The following GRAMD1A variants were observed in gnomAD, a reference collection of about 807,000 sequenced individuals.
GRAMD1A encodes the protein GRAM domain containing 1A, also known as protein Aster-A.
In GRAMD1A, 50 loss-of-function variants were observed where a neutral mutation model predicts 92.0. The ratio of observed to expected loss-of-function variants is 0.54; its 90% CI spans 0.43 to 0.69. GRAMD1A has a LOEUF of 0.69. Among genes scored for constraint, GRAMD1A ranks in the 30% least tolerant of loss-of-function variants. The pLI, the probability that GRAMD1A is intolerant of heterozygous loss-of-function variation, is 0.00. For synonymous variants in GRAMD1A, 405 were observed against 403.6 expected (o/e 1.00, Z -0.04); for missense variants, 819 against 978.9 (o/e 0.84, Z 2.18).
upstream of GRAMD1A, among the ~76,000 whole-genome samples, chr19:34,995,583 T>C (rs1032989009): frequency 1.4e-5 from 2 of 143,548 alleles, no homozygotes; most frequent in Non-Finnish European, 3.0e-5. Flanking sequence ...TTTTTTTTTT[T>C]TTTTTTTTTT....
chr19:35,000,460 C>G lies in GRAMD1A; in HGVS notation c.-19C>G. 8.1e-7 allele frequency: 1 copy of G among 1,229,326 alleles called. No homozygotes were observed. The highest frequency in any genetic ancestry group is 2.9e-5 in the South Asian group (1 of 35,042). 76.2% of individuals were successfully genotyped at this position (1,229,326 alleles called of 1,614,324 possible). A position where few individuals can be genotyped will look rare whatever the true frequency, so the allele number is the denominator to read the frequency against. ...CCTGCCCTGCCCTGCGCCCGGGGCG[C>G]GCCCACCGCGCCGCATCCATGTTCG... On this transcript the variant is annotated 5_prime_UTR_variant, in exon 1 of 20. Coordinates refer to ENST00000317991, the MANE Select transcript of GRAMD1A (RefSeq NM_020895.5). The surrounding 1 kb of genome is among the most constrained non-coding windows in gnomAD (Gnocchi z 4.9).
intron 11 of GRAMD1A, among the ~76,000 whole-genome samples, chr19:35,018,902 G>C (rs560821165): frequency 1.3e-3 from 158 of 119,830 alleles, no homozygotes; most frequent in African/African-American, 4.5e-3. Flanking sequence ...CGGTGGGTTC[G>C]AGGGGTCCAG....
chr19:35,014,441 G>A, intron 10 of GRAMD1A, 54 bp downstream of exon 10: 1 of 1,505,690 alleles, frequency 6.6e-7, no homozygotes, highest in South Asian at 1.1e-5. Flanking sequence ...GCCTCGCTCA[G>A]TCTTAAGCAA....
chr19:35,014,763 C>T (rs2015504930), intron 10 of GRAMD1A: 1 of 239,604 alleles, frequency 4.2e-6, no homozygotes, highest in South Asian at 5.6e-5. Flanking sequence ...TGATGGCTCA[C>T]ACCTGTAATC....
chr19:35,008,791 G>A (rs1343536837), intron 1 of GRAMD1A, among the ~76,000 whole-genome samples: 3 of 152,142 alleles, frequency 2.0e-5, no homozygotes, highest in Admixed American at 1.3e-4. Context: ...ACTCCAGCCT[G>A]GGCAACAGAG....
upstream of GRAMD1A, among the ~76,000 whole-genome samples, chr19:34,999,226 G>T (rs996860360): frequency 6.6e-6 from 1 of 152,110 alleles, no homozygotes; most frequent in African/African-American, 2.4e-5. Context: ...AGTTTGTGAC[G>T]GATTGGATGT....
upstream of GRAMD1A, chr19:34,998,140 G>C (rs2014117562): frequency 6.6e-6 from 1 of 151,776 alleles, no homozygotes; most frequent in South Asian, 2.1e-4. Context: ...GGCTCCTTGG[G>C]GGGCACGGGA....
At chr19:34,995,152 G>A (rs1165862509) in intron 1 of GRAMD1A, among the ~76,000 whole-genome samples, 6 of 152,238 alleles carry the variant, frequency 3.9e-5, no homozygotes, top group African/African-American at 4.8e-5. Context: ...GGGGAATCCC[G>A]ATTCGGCCTC....
chr19:35,020,003 A>G (rs1238679545), intron 13 of GRAMD1A, among the ~76,000 whole-genome samples: 1 of 151,290 alleles, frequency 6.6e-6, no homozygotes, highest in Non-Finnish European at 1.5e-5. Context: ...GCTGAGAGCA[A>G]CTCATTTGGG....
chr19:35,023,323 C>G lies in GRAMD1A; in HGVS notation c.1941C>G (p.His647Gln), dbSNP rs200311339. The G allele has an allele frequency of 2.5e-6, 4 of 1,614,040 alleles. No homozygotes were observed. The highest frequency in any genetic ancestry group is 4.5e-5 in the East Asian group (2 of 44,864). ...CAGCCCACACCTTTGAGTCCTGGCACAGCCTGGCCCTGGCCAAGGGGTGAG... is the reference window on the plus strand; with the variant it reads ...CAGCCCACACCTTTGAGTCCTGGCAGAGCCTGGCCCTGGCCAAGGGGTGAG... Reference protein sequence around the residue: ...ERTAHTFESWHSLALAKGKFP... With the variant: ...ERTAHTFESWQSLALAKGKFP... Residue 647 changes from histidine to glutamine, a missense_variant, in exon 18 of 20, where the codon CAC becomes CAG. Physicochemically the swap from His to Gln is conservative, Grantham distance 24. Transcript: ENST00000317991.
intron 3 of GRAMD1A, 117 bp downstream of exon 3, chr19:35,009,560 G>A (rs1294067192): frequency 4.8e-6 from 5 of 1,040,180 alleles, no homozygotes; most frequent in Non-Finnish European, 7.5e-6. Context: ...GCAGACCTAG[G>A]GTCACGTTCT....
intron 1 of GRAMD1A, among the ~76,000 whole-genome samples, chr19:35,006,792 GACAGTAAACAA>G (rs1222105873): frequency 2.0e-5 from 3 of 152,240 alleles, no homozygotes; most frequent in Non-Finnish European, 4.4e-5. Flanking sequence ...AGTCTGGGTA[GACAGTAAACAA>G]ACAGTAAACA....
chr19:35,010,603 C>T, intron 6 of GRAMD1A: 1 of 599,122 alleles, frequency 1.7e-6, no homozygotes, highest in Non-Finnish European at 3.0e-6. Context: ...TCAGGAACAG[C>T]AGAAATAGTA....
Position 35,021,662 on chromosome 19 carries a change from A to G in GRAMD1A, c.1580-29A>G, listed in dbSNP as rs377054753. 7 of 1,613,792 alleles carry G rather than the reference A, an allele frequency of 4.3e-6. No homozygotes were observed. Among genetic ancestry groups the G allele is most frequent in the Non-Finnish European group, 5.9e-6 (7 of 1,179,828 alleles). On this transcript the variant is annotated intron_variant, in intron 14 of 19. Coordinates refer to ENST00000317991, the MANE Select transcript of GRAMD1A (RefSeq NM_020895.5). The surrounding 1 kb of genome is among the most constrained non-coding windows in gnomAD (Gnocchi z 5.3). ...TGGGGGATGGCCTGGCCAGGTATGG[A>G]CATCCAGAGCCCCCTCTCTTTTACG... is the stretch of plus-strand genomic sequence containing the variant.
At chr19:35,010,666 C>T (rs1191167320) in intron 6 of GRAMD1A, 56 of 587,336 alleles carry the variant, frequency 9.5e-5, no homozygotes, top group Non-Finnish European at 1.2e-4. Context: ...GTAAGTCTCC[C>T]CGATGTTGTG....
chr19:35,014,146 T>C (rs1199066061), intron 9 of GRAMD1A, 43 bp from the exon 10 acceptor site: 3 of 1,560,596 alleles, frequency 1.9e-6, no homozygotes, highest in Non-Finnish European at 2.6e-6. Flanking sequence ...GCCCTGGGGC[T>C]GGGATGGAGG....
chr19:35,022,661 G>A (rs1451986214), intron 16 of GRAMD1A, among the ~76,000 whole-genome samples: 4 of 152,220 alleles, frequency 2.6e-5, no homozygotes, highest in African/African-American at 9.6e-5. Context: ...GCCTGCAGGA[G>A]TTGGCGGGCA....
At chr19:35,011,948 T>C (rs1481002588) in intron 7 of GRAMD1A, among the ~76,000 whole-genome samples, 2 of 152,106 alleles carry the variant, frequency 1.3e-5, no homozygotes, top group Non-Finnish European at 1.5e-5. Context: ...TCTCAGAGGC[T>C]CCGATGTCCC....
In GRAMD1A at chr19:35,009,276, G is replaced by A. The variant is rs2015046020; in HGVS notation, c.166G>A (p.Gly56Arg). ...CTCCTCAGAGAAGGGTGGGGTGCCT[G>A]GGACCCCCAGCACCCAGAGCCTAGG... ...DSSSEKGGVP[G>R]TPSTQSLGSR... Residue 56 changes from glycine to arginine, a missense_variant, in exon 2 of 20, where the codon GGG becomes AGG. Physicochemically the swap from Gly to Arg is moderately radical, Grantham distance 125. This residue lies in a region of GRAMD1A where 98 missense variants were observed against 84.0 expected (regional missense o/e 1.17). Transcript: ENST00000317991. 1 of 1,613,932 alleles carries A rather than the reference G, an allele frequency of 6.2e-7. No homozygotes were observed. Among genetic ancestry groups the A allele is most frequent in the Non-Finnish European group, 8.5e-7 (1 of 1,179,952 alleles).
Sources: gnomAD v4.1 joint callset for allele counts (sites outside exome capture counted in the v4.1 genomes callset) on GRCh38, gnomAD v4.1.1 for gene constraint, gnomAD v4.1.1 regional missense constraint, Gnocchi (gnomAD v3.1) non-coding constraint, MANE v1.5 for transcripts, NCBI Gene and HGNC (gene_info 2026-07-23, HGNC 2026-07-21) for gene names.